Variants in TNRC6B observed in about 807,000 individuals in gnomAD.
TNRC6B encodes trinucleotide repeat containing adaptor 6B.
Under a neutral mutation model 203.6 loss-of-function variants are expected in TNRC6B, and 52 were observed. The ratio of observed to expected loss-of-function variants is 0.26; its 90% confidence interval spans 0.20 to 0.32. TNRC6B has a LOEUF of 0.32. TNRC6B is among the 10% of genes least tolerant of loss of function. The pLI is 1.00. For missense variants in TNRC6B, 1,923 were observed against 2,286.2 expected (o/e 0.84, Z 3.24); for synonymous variants, 838 against 845.7 (o/e 0.99, Z 0.16).
chr22:40,228,759 C>T (rs1376653366), intron 1 of TNRC6B, among the ~76,000 whole-genome samples: 1 of 151,934 alleles, frequency 6.6e-6, no homozygotes, highest in South Asian at 2.1e-4. Context: ...CTCCTGACCT[C>T]GTGATCCACC....
At chr22:40,272,145 A>G (rs1474671142) in intron 6 of TNRC6B, among the ~76,000 whole-genome samples, 1 of 152,186 alleles carries the variant, frequency 6.6e-6, no homozygotes, top group African/African-American at 2.4e-5. Flanking sequence ...TATTATATAA[A>G]TATATAATCC....
intron 1 of TNRC6B, chr22:40,045,656 C>T (rs1820562127): frequency 6.6e-6 from 1 of 152,324 alleles, no homozygotes; most frequent in African/African-American, 2.4e-5. Flanking sequence ...GGCTCAGACT[C>T]TGGACAAGGA....
intron 2 of TNRC6B, among the ~76,000 whole-genome samples, chr22:40,122,452 C>T (rs913371358): frequency 6.6e-6 from 1 of 152,078 alleles, no homozygotes; most frequent in Non-Finnish European, 1.5e-5. Flanking sequence ...CTGACCTACT[C>T]ACGGGTAGTT....
intron 1 of TNRC6B, among the ~76,000 whole-genome samples, chr22:40,046,646 T>C (rs989071092): frequency 2.5e-5 from 3 of 119,366 alleles, no homozygotes; most frequent in Non-Finnish European, 4.9e-5. Flanking sequence ...AGAGTCTCAA[T>C]TTTTTTTTTT....
At chr22:40,152,192 T>C (rs748518962) in intron 3 of TNRC6B, among the ~76,000 whole-genome samples, 2 of 152,256 alleles carry the variant, frequency 1.3e-5, no homozygotes, top group Non-Finnish European at 2.9e-5. Context: ...TAAATGTTTC[T>C]AGAGAAGACA....
chr22:40,316,037 C>G, intron 21 of TNRC6B, 25 bp downstream of exon 21: 1 of 1,598,926 alleles, frequency 6.3e-7, no homozygotes. Context: ...TCGCAGTTTT[C>G]TAGATAGGAC....
intron 1 of TNRC6B, among the ~76,000 whole-genome samples, chr22:40,060,196 A>G (rs1039020218): frequency 1.6e-4 from 23 of 142,956 alleles, no homozygotes; most frequent in Admixed American, 2.1e-4. Context: ...AAAAATGCAC[A>G]TGACTTTTTT....
chr22:40,121,426 T>C (rs553459867), intron 2 of TNRC6B, among the ~76,000 whole-genome samples: 20 of 152,332 alleles, frequency 1.3e-4, no homozygotes, highest in African/African-American at 4.8e-4. Context: ...TTCCACTTTC[T>C]GATGTCTAAA....
In TNRC6B at chr22:40,221,759, C is replaced by T. The variant is rs1010368632; in HGVS notation, c.6-24256C>T. ...TGGCCCACCTTCTTATTGCCCCCCC[C>T]CCTTTTTTTTTTTTGACTCCTGTCT... On this transcript the variant is annotated intron_variant, in intron 1 of 22. Coordinates refer to ENST00000454349, the MANE Select transcript of TNRC6B (RefSeq NM_001162501.2). 1.9e-4 allele frequency among the ~76,000 whole-genome samples: 23 copies of T among 123,738 alleles called. No individual in the cohort carries two copies. The East Asian group carries it at 6.9e-3, about 37-fold the overall frequency. 81.2% of individuals were successfully genotyped at this position (123,738 alleles called of 152,430 possible).
chr22:40,131,766 A>G (rs1052843935), intron 3 of TNRC6B, among the ~76,000 whole-genome samples: 17 of 152,336 alleles, frequency 1.1e-4, no homozygotes, highest in African/African-American at 3.8e-4. Flanking sequence ...GCAATTTTGT[A>G]TGACCTAACA....
chr22:40,259,935 A>C (rs904950236), intron 3 of TNRC6B, among the ~76,000 whole-genome samples: 10 of 152,086 alleles, frequency 6.6e-5, no homozygotes, highest in African/African-American at 2.4e-4. Context: ...TCCAGCCTCT[A>C]TTTGCCAGGT....
At chr22:40,218,031 A>T (rs1386717460) in intron 1 of TNRC6B, among the ~76,000 whole-genome samples, 1 of 151,674 alleles carries the variant, frequency 6.6e-6, no homozygotes, top group African/African-American at 2.4e-5. Flanking sequence ...TAACTGCTTT[A>T]AAGAGGACAA....
At chr22:40,254,073 ACTG>A (rs1412767731) in intron 3 of TNRC6B, among the ~76,000 whole-genome samples, 1 of 152,190 alleles carries the variant, frequency 6.6e-6, no homozygotes, top group Non-Finnish European at 1.5e-5. Context: ...ATTAAAAAAA[ACTG>A]TGAGAATTCT....
chr22:40,229,715 G>A (rs1224374737), intron 1 of TNRC6B, among the ~76,000 whole-genome samples: 1 of 152,018 alleles, frequency 6.6e-6, no homozygotes, highest in African/African-American at 2.4e-5. Context: ...TTGTTCAGTA[G>A]GTACTCTTTT....
intron 3 of TNRC6B, among the ~76,000 whole-genome samples, chr22:40,145,619 G>A (rs745819732): frequency 5.3e-5 from 8 of 152,078 alleles, no homozygotes; most frequent in African/African-American, 1.4e-4. Flanking sequence ...TAAGGCAGGC[G>A]GATCACAAGG....
intron 22 of TNRC6B, 146 bp from the exon 23 acceptor site, chr22:40,322,708 G>A: frequency 1.1e-6 from 1 of 913,338 alleles, no homozygotes. Context: ...GGTGGAGCTT[G>A]GACTTTGCAT....
chr22:40,223,434 C>G (rs773035607), intron 1 of TNRC6B, among the ~76,000 whole-genome samples: 1 of 136,694 alleles, frequency 7.3e-6, no homozygotes, highest in Non-Finnish European at 1.7e-5. Context: ...CCACTGTGCC[C>G]GGCCAGTTTT....
intron 1 of TNRC6B, among the ~76,000 whole-genome samples, chr22:40,217,035 G>T (rs556721664): frequency 6.6e-6 from 1 of 152,200 alleles, no homozygotes; most frequent in East Asian, 1.9e-4. Context: ...TCTGACCAAT[G>T]CAGCTGTACC....
At chr22:40,245,033 G>A (rs1271877187) in intron 1 of TNRC6B, among the ~76,000 whole-genome samples, 1 of 152,098 alleles carries the variant, frequency 6.6e-6, no homozygotes, top group Non-Finnish European at 1.5e-5. Context: ...TAATTCATGT[G>A]TACGGGAAGA....
Sources: gnomAD v4.1 joint callset for allele counts (sites outside exome capture counted in the v4.1 genomes callset) on GRCh38, gnomAD v4.1.1 for gene constraint, MANE v1.5 for transcripts, NCBI Gene and HGNC (gene_info 2026-07-23, HGNC 2026-07-21) for gene names.